Variants in MAGI1 observed in about 807,000 individuals in gnomAD.
The protein encoded by MAGI1 is membrane associated guanylate kinase, WW and PDZ domain containing 1.
A neutral mutation model predicts 139.9 loss-of-function variants in MAGI1; 58 were observed. That is an observed-to-expected ratio of 0.41 (90% CI 0.34 to 0.52). The LOEUF is 0.52. MAGI1 is among the 20% of genes least tolerant of loss of function. The probability of loss-of-function intolerance (pLI) is 0.12; values close to 1 mark genes in which losing one functional copy is unlikely to be tolerated. For missense variants in MAGI1, 1,874 were observed against 1,901.6 expected, an observed-to-expected ratio of 0.99 and a Z score of 0.27; for synonymous variants, 812 against 737.9, an observed-to-expected ratio of 1.10 and a Z score of -1.63.
rs182512423 is a variant in MAGI1, at chr3:65,870,161, T to C, written c.313+167835A>G. Among the ~76,000 whole-genome samples, 8 of 152,268 alleles carry C rather than the reference T, an allele frequency of 5.3e-5. 1 individual carries two copies. Among genetic ancestry groups the C allele is most frequent in the Admixed American group, 3.3e-4 (5 of 15,290 alleles). ...CTATAATGTTGACAAATGTGCGTAA[T>C]GATCAGTAAACAAACACAGGAAGGG... On this transcript the variant is annotated intron_variant, in intron 1 of 22. Coordinates refer to ENST00000402939, the MANE Select transcript of MAGI1 (RefSeq NM_001033057.2).
chr3:65,714,095 C>T (rs561346342), intron 1 of MAGI1, among the ~76,000 whole-genome samples: 41 of 152,250 alleles, frequency 2.7e-4, no homozygotes, highest in African/African-American at 7.9e-4. Flanking sequence ...GGCATGCCAC[C>T]GCACTGGGTT....
At chr3:65,910,892 C>A (rs2061640463) in intron 1 of MAGI1, among the ~76,000 whole-genome samples, 2 of 68,462 alleles carry the variant, frequency 2.9e-5, no homozygotes, top group African/African-American at 1.4e-4. Context: ...GAGACTCGCT[C>A]TGTAGCCCAG....
At chr3:65,447,107 G>T (rs892008587) in intron 7 of MAGI1, among the ~76,000 whole-genome samples, 2 of 152,172 alleles carry the variant, frequency 1.3e-5, no homozygotes, top group Non-Finnish European at 2.9e-5. Context: ...CACTCATACT[G>T]ATGTTAAACA....
At chr3:65,544,717 C>T (rs559349814) in intron 2 of MAGI1, among the ~76,000 whole-genome samples, 1 of 152,226 alleles carries the variant, frequency 6.6e-6, no homozygotes, top group South Asian at 2.1e-4. Flanking sequence ...TTGTTCTGAT[C>T]CATCACCAAG....
At chr3:65,950,093 A>C (rs1301299343) in intron 1 of MAGI1, among the ~76,000 whole-genome samples, 4 of 15,006 alleles carry the variant, frequency 2.7e-4, no homozygotes, top group East Asian at 1.2e-3. Flanking sequence ...AAAAAAACAA[A>C]CAAAAAAAAA....
At chr3:65,514,950 A>T (rs947109922) in intron 2 of MAGI1, among the ~76,000 whole-genome samples, 66 of 150,594 alleles carry the variant, frequency 4.4e-4, no homozygotes, top group African/African-American at 1.6e-3. Flanking sequence ...AAAATGTGGC[A>T]AATATACACC....
At chr3:65,965,038 C>T (rs1375071668) in intron 1 of MAGI1, among the ~76,000 whole-genome samples, 1 of 152,240 alleles carries the variant, frequency 6.6e-6, no homozygotes, top group Non-Finnish European at 1.5e-5. Flanking sequence ...ATTAGCCTTG[C>T]TCTAAAACTT....
intron 1 of MAGI1, among the ~76,000 whole-genome samples, chr3:65,919,679 T>TTCTCTC (rs10575249): frequency 1.2e-4 from 18 of 148,542 alleles, no homozygotes; most frequent in African/African-American, 4.0e-4. Flanking sequence ...TTCTCTCTCC[T>TTCTCTC]TCTCTCTCTC....
intron 1 of MAGI1, among the ~76,000 whole-genome samples, chr3:65,635,196 C>T (rs958801332): frequency 6.6e-6 from 1 of 152,114 alleles, no homozygotes; most frequent in Non-Finnish European, 1.5e-5. Context: ...TCCCGAGTAG[C>T]TGGAACTACA....
At chr3:65,833,352 CAA>C (rs1482714652) in intron 1 of MAGI1, among the ~76,000 whole-genome samples, 2 of 152,060 alleles carry the variant, frequency 1.3e-5, no homozygotes, top group Non-Finnish European at 2.9e-5. Flanking sequence ...CTCCTGACCT[CAA>C]GTGATCCGCC....
rs2060072566 is a variant in MAGI1 at position 65,875,238 on chromosome 3, G to A, written c.313+162758C>T. ...AGATTTGTAGCTGCCTAGAACTTGG[G>A]GGTAGGGGAGTGATACAGAAAAGGT... is the stretch of plus-strand genomic sequence containing the variant. On this transcript the variant is annotated intron_variant, in intron 1 of 22. Transcript: ENST00000402939. Among the ~76,000 whole-genome samples the A allele has an allele frequency of 3.3e-5, 5 of 152,166 alleles. No individual in the cohort carries two copies. In the South Asian group the frequency reaches 1.0e-3, roughly 32 times the overall value.
intron 4 of MAGI1, among the ~76,000 whole-genome samples, chr3:65,477,135 C>A (rs1042610658): frequency 4.6e-5 from 7 of 152,236 alleles, no homozygotes; most frequent in Non-Finnish European, 1.0e-4. Context: ...TCTCCTCTGT[C>A]TTTACCTAAC....
intron 3 of MAGI1, among the ~76,000 whole-genome samples, chr3:65,482,123 G>A (rs1313519915): frequency 6.6e-6 from 1 of 152,212 alleles, no homozygotes; most frequent in African/African-American, 2.4e-5. Flanking sequence ...ATATCATGGG[G>A]TAAAAGGCTT....
intron 1 of MAGI1, among the ~76,000 whole-genome samples, chr3:65,655,516 C>A (rs2085825183): frequency 6.6e-6 from 1 of 152,112 alleles, no homozygotes; most frequent in Non-Finnish European, 1.5e-5. Flanking sequence ...TCTATTAATT[C>A]AAAGAGTTTT....
intron 2 of MAGI1, among the ~76,000 whole-genome samples, chr3:65,567,594 T>C (rs1394731456): frequency 5.9e-5 from 9 of 152,190 alleles, no homozygotes; most frequent in Non-Finnish European, 1.3e-4. Context: ...CTCAGCATTT[T>C]GGGAAGCTGA....
intron 1 of MAGI1, among the ~76,000 whole-genome samples, chr3:65,978,347 G>A (rs543216500): frequency 1.3e-5 from 2 of 152,274 alleles, no homozygotes; most frequent in South Asian, 2.1e-4. Flanking sequence ...AATCCACACT[G>A]ATAAGTAGGA....
intron 1 of MAGI1, among the ~76,000 whole-genome samples, chr3:65,908,486 A>G (rs1380526137): frequency 5.9e-5 from 9 of 152,096 alleles, no homozygotes. Context: ...GGGTTTCACC[A>G]TCTTGGCCAG....
chr3:65,691,853 T>C (rs2088692344), intron 1 of MAGI1, among the ~76,000 whole-genome samples: 2 of 152,168 alleles, frequency 1.3e-5, no homozygotes. Flanking sequence ...CTGAAATCGT[T>C]CCAGGAAAAT....
At chr3:65,985,644 G>A (rs546904319) in intron 1 of MAGI1, among the ~76,000 whole-genome samples, 3 of 152,066 alleles carry the variant, frequency 2.0e-5, no homozygotes, top group Non-Finnish European at 4.4e-5. Context: ...AATAAACATC[G>A]TTTCCAGTAT....
Sources: allele counts gnomAD v4.1 joint callset (sites outside exome capture counted in the v4.1 genomes callset), GRCh38; gene constraint gnomAD v4.1.1; transcripts MANE v1.5; gene names NCBI Gene and HGNC (gene_info 2026-07-23, HGNC 2026-07-21).